The following PIP5K1B variants were observed in gnomAD, a reference collection of about 807,000 sequenced individuals.
PIP5K1B encodes the protein phosphatidylinositol 4-phosphate 5-kinase type-1 beta.
PIP5K1B carries 42 observed loss-of-function variants against 67.0 expected under a neutral mutation model. The observed-to-expected ratio is 0.63, with a 90% CI of 0.49 to 0.81. The LOEUF (loss-of-function observed/expected upper bound fraction) is 0.81. Ranked by LOEUF, PIP5K1B falls within the 30% of genes least tolerant of loss-of-function variation. The pLI, the probability that PIP5K1B is intolerant of heterozygous loss-of-function variation, is 0.00. For synonymous variants in PIP5K1B, 214 were observed against 231.4 expected (o/e 0.92, Z 0.68); for missense variants, 459 against 646.3 (o/e 0.71, Z 3.14).
chr9:68,924,124 A>AAG (rs1826551278), intron 12 of PIP5K1B, among the ~76,000 whole-genome samples: 1 of 151,140 alleles, frequency 6.6e-6, no homozygotes, highest in African/African-American at 2.4e-5. Context: ...AAAAAAAAAA[A>AAG]AAAAAGGAGG....
intron 12 of PIP5K1B, among the ~76,000 whole-genome samples, chr9:68,927,707 G>T (rs1201191544): frequency 2.6e-5 from 4 of 151,922 alleles, no homozygotes; most frequent in Non-Finnish European, 5.9e-5. Flanking sequence ...CCATTCTGTG[G>T]GTTGTCTTTT....
At chr9:68,967,204 C>T (rs956443600) in intron 14 of PIP5K1B, among the ~76,000 whole-genome samples, 3 of 152,158 alleles carry the variant, frequency 2.0e-5, no homozygotes, top group Admixed American at 6.5e-5. Context: ...AACTACTTCC[C>T]CACATATTGT....
chr9:68,840,937 C>T (rs1013222216), intron 4 of PIP5K1B, among the ~76,000 whole-genome samples: 9 of 152,218 alleles, frequency 5.9e-5, no homozygotes, highest in Non-Finnish European at 1.3e-4. Flanking sequence ...ACAATGTCCT[C>T]CTCTGTGCAT....
intron 14 of PIP5K1B, among the ~76,000 whole-genome samples, chr9:68,947,655 A>G (rs1256791383): frequency 6.6e-6 from 1 of 152,264 alleles, no homozygotes; most frequent in Admixed American, 6.5e-5. Flanking sequence ...ACAGGAATCA[A>G]TTTAGGCTTT....
intron 5 of PIP5K1B, among the ~76,000 whole-genome samples, chr9:68,872,707 AT>A (rs1823687863): frequency 6.6e-6 from 1 of 151,940 alleles, no homozygotes; most frequent in South Asian, 2.1e-4. Context: ...CCAAAAGAAT[AT>A]TTGTTTTCTT....
At chr9:68,948,964 A>G (rs1827929594) in intron 14 of PIP5K1B, among the ~76,000 whole-genome samples, 1 of 152,188 alleles carries the variant, frequency 6.6e-6, no homozygotes, top group African/African-American at 2.4e-5. Context: ...TTTTTGAGGA[A>G]TTCATGTGAG....
chr9:68,786,068 ACTT>A (rs1214266348), intron 2 of PIP5K1B: 3 of 152,118 alleles, frequency 2.0e-5, no homozygotes, highest in Admixed American at 1.3e-4. Flanking sequence ...TCTAATGACT[ACTT>A]CTTCCTTCCA....
In PIP5K1B at chr9:68,924,171, G is replaced by A. The variant is rs530526017; in HGVS notation, c.1201+785G>A. On this transcript the variant is annotated intron_variant, in intron 12 of 15. Coordinates refer to ENST00000265382, the MANE Select transcript of PIP5K1B (RefSeq NM_003558.4). ...AATCCTAGCACTTTGGGAGGCTGAG[G>A]CGGGCAGATCACTTGAAGTCAGGCG... Among the ~76,000 whole-genome samples the A allele has an allele frequency of 4.0e-5, 6 of 150,484 alleles. No homozygotes were observed. In the East Asian group the frequency reaches 5.8e-4, roughly 15 times the overall value.
intron 5 of PIP5K1B, among the ~76,000 whole-genome samples, chr9:68,875,864 T>C (rs954134905): frequency 3.9e-5 from 6 of 152,178 alleles, no homozygotes; most frequent in Non-Finnish European, 8.8e-5. Flanking sequence ...TTAGGTAATA[T>C]TGTATGGAGT....
At chr9:68,759,201 TCTC>T (rs767207625) in intron 2 of PIP5K1B, among the ~76,000 whole-genome samples, 33 of 152,234 alleles carry the variant, frequency 2.2e-4, no homozygotes, top group Middle Eastern at 3.4e-3. Context: ...AGACTAATCT[TCTC>T]CTCTTTAGTT....
chr9:68,908,234 T>C (rs1197743402), intron 8 of PIP5K1B, among the ~76,000 whole-genome samples: 1 of 152,206 alleles, frequency 6.6e-6, no homozygotes, highest in Admixed American at 6.5e-5. Context: ...AATATTACTT[T>C]TAAACCTGTT....
chr9:68,770,956 G>T (rs1466744764), intron 2 of PIP5K1B, among the ~76,000 whole-genome samples: 1 of 152,200 alleles, frequency 6.6e-6, no homozygotes, highest in East Asian at 1.9e-4. Context: ...TCTAGAGATA[G>T]AAATTTGAGA....
At chr9:68,728,701 A>C (rs1228343043) in intron 1 of PIP5K1B, 1 of 152,198 alleles carries the variant, frequency 6.6e-6, no homozygotes, top group Non-Finnish European at 1.5e-5. Flanking sequence ...CAGAAGGGGA[A>C]TACTTGGGAC....
intron 4 of PIP5K1B, among the ~76,000 whole-genome samples, chr9:68,856,246 G>A (rs748273910): frequency 3.3e-5 from 5 of 152,056 alleles, no homozygotes; most frequent in South Asian, 2.1e-4. Context: ...TCAGGTCCCC[G>A]AACCTTACTG....
intron 2 of PIP5K1B, among the ~76,000 whole-genome samples, chr9:68,817,061 A>G (rs568108821): frequency 3.9e-5 from 6 of 152,376 alleles, no homozygotes; most frequent in African/African-American, 1.4e-4. Flanking sequence ...AATTGTTTAT[A>G]AAAGAAAGAT....
At chr9:68,904,161 T>A (rs991580468) in intron 8 of PIP5K1B, among the ~76,000 whole-genome samples, 2 of 152,216 alleles carry the variant, frequency 1.3e-5, no homozygotes, top group Admixed American at 6.5e-5. Flanking sequence ...TATACCCAGG[T>A]CTCTCTGACT....
At chr9:68,951,837 CA>C (rs1233194254) in intron 14 of PIP5K1B, among the ~76,000 whole-genome samples, 7 of 152,194 alleles carry the variant, frequency 4.6e-5, no homozygotes, top group Non-Finnish European at 8.8e-5. Flanking sequence ...TCTTCATGTG[CA>C]ATCACCTTCA....
chr9:68,945,335 G>A (rs777889931), intron 14 of PIP5K1B, among the ~76,000 whole-genome samples: 50 of 151,904 alleles, frequency 3.3e-4, no homozygotes, highest in Middle Eastern at 3.2e-3. Flanking sequence ...TAGTAGAGGC[G>A]GAGTTTCACC....
intron 2 of PIP5K1B, among the ~76,000 whole-genome samples, chr9:68,757,451 G>A (rs562989176): frequency 6.6e-6 from 1 of 152,172 alleles, no homozygotes; most frequent in African/African-American, 2.4e-5. Flanking sequence ...CGTGACTGAA[G>A]AGAACTAGGG....
Sources: allele counts gnomAD v4.1 joint callset (sites outside exome capture counted in the v4.1 genomes callset), GRCh38; gene constraint gnomAD v4.1.1; transcripts MANE v1.5; gene names NCBI Gene and HGNC (gene_info 2026-07-23, HGNC 2026-07-21).